Variants in AUTS2 observed in about 807,000 individuals in gnomAD.
AUTS2 encodes activator of transcription and developmental regulator AUTS2.
Under a neutral mutation model 112.4 loss-of-function variants are expected in AUTS2, and 17 were observed. The observed-to-expected ratio is 0.15, with a 90% CI of 0.10 to 0.23. The LOEUF (loss-of-function observed/expected upper bound fraction) is 0.23. AUTS2 is among the 10% of genes least tolerant of loss of function. The pLI is 1.00. For synonymous variants in AUTS2, 751 were observed against 702.7 expected, an observed-to-expected ratio of 1.07 and a Z score of -1.09; for missense variants, 1,510 against 1,701.6, an observed-to-expected ratio of 0.89 and a Z score of 1.98.
intron 4 of AUTS2, among the ~76,000 whole-genome samples, chr7:70,212,286 C>A (rs1001915379): frequency 1.3e-5 from 2 of 152,210 alleles, no homozygotes; most frequent in Non-Finnish European, 2.9e-5. Context: ...CTGCCTTGCG[C>A]TTTTTCCGCA....
intron 6 of AUTS2, among the ~76,000 whole-genome samples, chr7:70,719,401 A>G (rs1239553842): frequency 6.6e-6 from 1 of 152,168 alleles, no homozygotes; most frequent in East Asian, 1.9e-4. Context: ...CTCAAATAGT[A>G]TGTGGAGCCG....
At chr7:69,749,708 A>G (rs1248164368) in intron 1 of AUTS2, among the ~76,000 whole-genome samples, 1 of 152,198 alleles carries the variant, frequency 6.6e-6, no homozygotes, top group East Asian at 1.9e-4. Context: ...TATTTGTTTT[A>G]TACAAAAACA....
intron 4 of AUTS2, among the ~76,000 whole-genome samples, chr7:70,338,906 A>G (rs1791124266): frequency 6.6e-6 from 1 of 150,862 alleles, no homozygotes; most frequent in Non-Finnish European, 1.5e-5. Flanking sequence ...TCTGTTGCCC[A>G]GGCTGGAGTG....
chr7:70,695,983 C>G (rs945718669), intron 5 of AUTS2, among the ~76,000 whole-genome samples: 1 of 152,020 alleles, frequency 6.6e-6, no homozygotes, highest in African/African-American at 2.4e-5. Flanking sequence ...CTCAATTCGT[C>G]GGCTCATTCT....
chr7:69,668,877 A>G (rs1796192180), intron 1 of AUTS2, among the ~76,000 whole-genome samples: 1 of 152,188 alleles, frequency 6.6e-6, no homozygotes, highest in Admixed American at 6.5e-5. Flanking sequence ...ACCTATGGCA[A>G]GAACCTGTCA....
chr7:69,692,082 A>G (rs751455789), intron 1 of AUTS2, among the ~76,000 whole-genome samples: 3 of 152,142 alleles, frequency 2.0e-5, no homozygotes, highest in South Asian at 2.1e-4. Flanking sequence ...GGCTGTGTGT[A>G]TATGCTTTAG....
chr7:69,789,677 A>C (rs1235852485), intron 1 of AUTS2, among the ~76,000 whole-genome samples: 3 of 152,074 alleles, frequency 2.0e-5, no homozygotes, highest in Admixed American at 2.0e-4. Context: ...TAGGGGCTTG[A>C]CGTTTCCACA....
At chr7:69,929,124 A>G (rs1236814881) in intron 2 of AUTS2, among the ~76,000 whole-genome samples, 2 of 152,094 alleles carry the variant, frequency 1.3e-5, no homozygotes, top group African/African-American at 4.8e-5. Flanking sequence ...TTGTTTTCAA[A>G]ATTTTTTTCT....
At chr7:69,988,154 T>TTAGAGTC (rs1173560626) in intron 2 of AUTS2, among the ~76,000 whole-genome samples, 2 of 152,244 alleles carry the variant, frequency 1.3e-5, no homozygotes, top group African/African-American at 4.8e-5. Context: ...TTTGCCTTTT[T>TTAGAGTC]TAGAGTCTCT....
intron 4 of AUTS2, among the ~76,000 whole-genome samples, chr7:70,281,766 A>T (rs1335958985): frequency 6.6e-6 from 1 of 152,256 alleles, no homozygotes; most frequent in Non-Finnish European, 1.5e-5. Context: ...CAAATAACAT[A>T]TGCTAAGCAC....
chr7:69,880,444 A>T (rs1242821516), intron 1 of AUTS2, among the ~76,000 whole-genome samples: 5 of 152,212 alleles, frequency 3.3e-5, no homozygotes, highest in African/African-American at 1.2e-4. Context: ...GCTCTTCATT[A>T]GCATTCACTA....
At chr7:70,340,270 T>C (rs1013732775) in intron 4 of AUTS2, among the ~76,000 whole-genome samples, 38 of 151,948 alleles carry the variant, frequency 2.5e-4, no homozygotes, top group African/African-American at 8.9e-4. Flanking sequence ...TTTTTAATAA[T>C]GCAGCATAAA....
intron 5 of AUTS2, among the ~76,000 whole-genome samples, chr7:70,476,329 A>C (rs1318270782): frequency 2.6e-5 from 4 of 152,138 alleles, no homozygotes; most frequent in Non-Finnish European, 5.9e-5. Flanking sequence ...CCAATGGCTC[A>C]GAGCTTCTCC....
intron 4 of AUTS2, among the ~76,000 whole-genome samples, chr7:70,361,047 TA>T (rs747913545): frequency 2.0e-5 from 3 of 152,140 alleles, no homozygotes; most frequent in Admixed American, 6.5e-5. Context: ...CAGCCTCCCA[TA>T]TAAAAATCGA....
At chr7:70,421,108 G>A (rs1314590470) in intron 4 of AUTS2, among the ~76,000 whole-genome samples, 1 of 152,102 alleles carries the variant, frequency 6.6e-6, no homozygotes, top group Non-Finnish European at 1.5e-5. Flanking sequence ...TTAGAAGACT[G>A]AAAGATGCCA....
chr7:70,365,648 G>A lies in AUTS2; in HGVS notation c.661-70104G>A, dbSNP rs138973969. On this transcript the variant is annotated intron_variant, in intron 4 of 18. Transcript: ENST00000342771. ...AAGACATGAGAAAGTAGACACTATT[G>A]TCTGGTAATTGACCATATTGGAGAG... 1.5e-3 allele frequency among the ~76,000 whole-genome samples: 225 copies of A among 152,338 alleles called. 1 individual carries two copies. Among genetic ancestry groups the A allele is most frequent in the African/African-American group, 5.0e-3 (206 of 41,572 alleles).
intron 2 of AUTS2, among the ~76,000 whole-genome samples, chr7:69,960,021 G>A (rs28496072): frequency 0.082 from 12,524 of 152,064 alleles, 670 homozygotes; most frequent in African/African-American, 0.14. Flanking sequence ...TGTTTAGTAG[G>A]TGATGTCATT....
At chr7:69,978,155 G>GT (rs1300967454) in intron 2 of AUTS2, among the ~76,000 whole-genome samples, 2 of 152,146 alleles carry the variant, frequency 1.3e-5, no homozygotes, top group Non-Finnish European at 2.9e-5. Flanking sequence ...CCTATTTGAA[G>GT]TATCAGTCAC....
chr7:70,641,588 T>G (rs1805834208), intron 5 of AUTS2, among the ~76,000 whole-genome samples: 1 of 152,138 alleles, frequency 6.6e-6, no homozygotes, highest in Non-Finnish European at 1.5e-5. Flanking sequence ...TTCATAAATC[T>G]GTGAGCTCAC....
Sources: allele counts gnomAD v4.1 joint callset (sites outside exome capture counted in the v4.1 genomes callset), GRCh38; gene constraint gnomAD v4.1.1; transcripts MANE v1.5; gene names NCBI Gene and HGNC (gene_info 2026-07-23, HGNC 2026-07-21).